Variants in NAB1 observed in about 807,000 individuals in gnomAD.
NAB1 encodes the protein NGFI-A-binding protein 1.
A neutral mutation model predicts 49.9 loss-of-function variants in NAB1; 25 were observed. The ratio of observed to expected loss-of-function variants is 0.50; its 90% CI spans 0.37 to 0.70. The LOEUF (loss-of-function observed/expected upper bound fraction) is 0.70. NAB1 is among the 30% of genes least tolerant of loss of function. The pLI, the probability that NAB1 is intolerant of heterozygous loss-of-function variation, is 0.00. For synonymous variants in NAB1, 198 were observed against 215.6 expected (o/e 0.92, Z 0.71); for missense variants, 489 against 575.9 (o/e 0.85, Z 1.54).
At chr2:190,661,439 A>T (rs981538041) in intron 4 of NAB1, among the ~76,000 whole-genome samples, 1 of 152,184 alleles carries the variant, frequency 6.6e-6, no homozygotes, top group Non-Finnish European at 1.5e-5. Context: ...TTTTAGTTTC[A>T]TGCTTTAACC....
chr2:190,687,000 C>T lies in NAB1; in HGVS notation c.1259-201C>T, dbSNP rs1695638652. On this transcript the variant is annotated intron_variant, in intron 8 of 9. Coordinates refer to ENST00000337386, the MANE Select transcript of NAB1 (RefSeq NM_005966.4). This position sits in a 1 kb window ranked among gnomAD's most constrained non-coding sequence, Gnocchi z 5.5. ...AAAAATATCCTGGCAGAATTGTAAA[C>T]CTTGGGACTGGCATGAAATGACTTG... Among the ~76,000 whole-genome samples, 1 of 152,104 alleles carries T rather than the reference C, an allele frequency of 6.6e-6. No homozygotes were observed.
rs559236763 is a variant in NAB1, at chr2:190,689,585, A to G, written c.1376-660A>G. Among the ~76,000 whole-genome samples the G allele has an allele frequency of 2.0e-5, 3 of 152,122 alleles. No individual in the cohort carries two copies. Among genetic ancestry groups the G allele is most frequent in the Non-Finnish European group, 4.4e-5 (3 of 68,010 alleles). On this transcript the variant is annotated intron_variant, in intron 9 of 9. Coordinates refer to ENST00000337386, the MANE Select transcript of NAB1 (RefSeq NM_005966.4). The surrounding 1 kb of genome is among the most constrained non-coding windows in gnomAD (Gnocchi z 4.3). ...TATTTGTACTTTACATAAAGGTTAC[A>G]TTTGATTGTTATTCTGTAGTGTTTG...
chr2:190,656,808 T>G (rs1156572308), intron 3 of NAB1, among the ~76,000 whole-genome samples: 1 of 152,190 alleles, frequency 6.6e-6, no homozygotes, highest in Non-Finnish European at 1.5e-5. Context: ...TTATTGCTCA[T>G]AAAAAGATTT....
chr2:190,652,681 T>C lies in NAB1; in HGVS notation c.-197+2699T>C, dbSNP rs1382004445. On this transcript the variant is annotated intron_variant, in intron 2 of 9. Transcript: ENST00000337386. This position sits in a 1 kb window ranked among gnomAD's most constrained non-coding sequence, Gnocchi z 4.2. ...GTATATATTTAATTCATAGCTAAGATCCAGAAGTATCTTGACTTATATGGT... is the reference window on the plus strand; with the variant it reads ...GTATATATTTAATTCATAGCTAAGACCCAGAAGTATCTTGACTTATATGGT... Among the ~76,000 whole-genome samples, 3 of 152,312 alleles carry C rather than the reference T, an allele frequency of 2.0e-5. No individual in the cohort carries two copies. Among genetic ancestry groups the C allele is most frequent in the African/African-American group, 7.2e-5 (3 of 41,574 alleles).
Position 190,685,453 on chromosome 2 carries a change from T to A in NAB1, c.1096-23T>A. On this transcript the variant is annotated intron_variant, in intron 7 of 9. Coordinates refer to ENST00000337386, the MANE Select transcript of NAB1 (RefSeq NM_005966.4). The surrounding 1 kb of genome is among the most constrained non-coding windows in gnomAD (Gnocchi z 4.5). Reference sequence around the variant, plus strand: ...AATCTAGAATGTTTCAGTTACTGATTTGATTTTTGCTTTACTTACTAGCAG... The same window carrying A: ...AATCTAGAATGTTTCAGTTACTGATATGATTTTTGCTTTACTTACTAGCAG... 6.3e-7 allele frequency: 1 copy of A among 1,581,956 alleles called. No homozygotes were observed. Among genetic ancestry groups the A allele is most frequent in the Non-Finnish European group, 8.6e-7 (1 of 1,164,798 alleles).
At position 190,667,917 on chromosome 2, in the gene NAB1, C is replaced by T. The variant is rs1315315232; in HGVS notation, c.820-2409C>T. Among the ~76,000 whole-genome samples the T allele has an allele frequency of 6.6e-6, 1 of 151,998 alleles. No individual in the cohort carries two copies. The highest frequency in any genetic ancestry group is 1.5e-5 in the Non-Finnish European group (1 of 67,948). On this transcript the variant is annotated intron_variant, in intron 4 of 9. Coordinates refer to ENST00000337386, the MANE Select transcript of NAB1 (RefSeq NM_005966.4). This position sits in a 1 kb window ranked among gnomAD's most constrained non-coding sequence, Gnocchi z 4.4. ...TAATGACAAACTTAAAAAAAAATCC[C>T]ATTACATATGATGAAGAGTTAATGC... is the stretch of plus-strand genomic sequence containing the variant.
intron 5 of NAB1, among the ~76,000 whole-genome samples, chr2:190,672,505 C>G (rs1474582197): frequency 2.6e-5 from 4 of 152,042 alleles, no homozygotes. Flanking sequence ...ATTGCTGGGT[C>G]AGGGTAAATA....
chr2:190,688,216 G>GT (rs1695716993), intron 9 of NAB1, among the ~76,000 whole-genome samples: 1 of 152,162 alleles, frequency 6.6e-6, no homozygotes, highest in Admixed American at 6.5e-5. Flanking sequence ...AATTTGCATT[G>GT]TAAGTCAGCG....
intron 9 of NAB1, among the ~76,000 whole-genome samples, chr2:190,688,397 T>C (rs967865580): frequency 6.6e-6 from 1 of 152,212 alleles, no homozygotes; most frequent in Non-Finnish European, 1.5e-5. Context: ...CTAAATAATG[T>C]TCTGGTACTG....
intron 6 of NAB1, among the ~76,000 whole-genome samples, chr2:190,683,042 T>TGCGA (rs1354311179): frequency 6.6e-6 from 1 of 152,174 alleles, no homozygotes; most frequent in African/African-American, 2.4e-5. Flanking sequence ...AAATGTCCAA[T>TGCGA]GCGAGGATAG....
chr2:190,685,431 C>G lies in NAB1; in HGVS notation c.1096-45C>G. ...TGGCATCTTTAAACCATTAAAAAAT[C>G]TAGAATGTTTCAGTTACTGATTTGA... On this transcript the variant is annotated intron_variant, in intron 7 of 9. Coordinates refer to ENST00000337386, the MANE Select transcript of NAB1 (RefSeq NM_005966.4). The surrounding 1 kb of genome is among the most constrained non-coding windows in gnomAD (Gnocchi z 4.5). 1 of 1,524,298 alleles carries G rather than the reference C, an allele frequency of 6.6e-7. No homozygotes were observed. The allele number at this position is 1,524,298 out of a possible 1,614,324, so 94.4% of individuals were successfully genotyped here.
chr2:190,685,323 A>G lies in NAB1; in HGVS notation c.1096-153A>G, dbSNP rs758165963. On this transcript the variant is annotated intron_variant, in intron 7 of 9. Coordinates refer to ENST00000337386, the MANE Select transcript of NAB1 (RefSeq NM_005966.4). The surrounding 1 kb of genome is among the most constrained non-coding windows in gnomAD (Gnocchi z 4.5). ...TTTTAACATGATGATATAGACATCT[A>G]TGCATATTTATGGAATTTGTATACC... 6 of 608,822 alleles carry G rather than the reference A, an allele frequency of 9.9e-6. No homozygotes were observed. Among genetic ancestry groups the G allele is most frequent in the East Asian group, 8.8e-5 (3 of 34,104 alleles). 37.7% of individuals were successfully genotyped at this position (608,822 alleles called of 1,614,324 possible). A position where few individuals can be genotyped will look rare whatever the true frequency, so the allele number is the denominator to read the frequency against.
rs1559247891 is a variant in NAB1 at position 190,679,930 on chromosome 2, T to C, written c.1006-3808T>C. On this transcript the variant is annotated intron_variant, in intron 6 of 9. Transcript: ENST00000337386. This position sits in a 1 kb window ranked among gnomAD's most constrained non-coding sequence, Gnocchi z 5.3. ...ACTGCCCCTGCTTACCTGGCTTATCTACACACGGAGGTCTCACTAGCAAAT... is the reference window on the plus strand; with the variant it reads ...ACTGCCCCTGCTTACCTGGCTTATCCACACACGGAGGTCTCACTAGCAAAT... 1.3e-5 allele frequency among the ~76,000 whole-genome samples: 2 copies of C among 152,178 alleles called. No individual in the cohort carries two copies. The highest frequency in any genetic ancestry group is 4.8e-5 in the African/African-American group (2 of 41,452).
rs769161221 is a variant in NAB1 at position 190,669,822 on chromosome 2, C to T, written c.820-504C>T. 1.3e-5 allele frequency among the ~76,000 whole-genome samples: 2 copies of T among 152,084 alleles called. No individual in the cohort carries two copies. ...CCAACACCTTGATTTTCCAATATAGCCCTAGTATATGATAACTCTGTTTTT... is the reference window on the plus strand; with the variant it reads ...CCAACACCTTGATTTTCCAATATAGTCCTAGTATATGATAACTCTGTTTTT... On this transcript the variant is annotated intron_variant, in intron 4 of 9. Transcript: ENST00000337386. This position sits in a 1 kb window ranked among gnomAD's most constrained non-coding sequence, Gnocchi z 4.3.
intron 2 of NAB1, among the ~76,000 whole-genome samples, chr2:190,650,840 TC>T (rs1245586664): frequency 2.6e-5 from 4 of 152,220 alleles, no homozygotes; most frequent in African/African-American, 9.7e-5. Flanking sequence ...ATAAGGGTTT[TC>T]TTGAGTCTTT....
In NAB1 at chr2:190,691,831, A is replaced by G. The variant is rs1171209701; in HGVS notation, c.*1498A>G. On this transcript the variant is annotated 3_prime_UTR_variant, in exon 10 of 10. Transcript: ENST00000337386. This position sits in a 1 kb window ranked among gnomAD's most constrained non-coding sequence, Gnocchi z 4.1. ...AAAATATTAAGTCATAATCTGTTACACTAAAATTTGTCAGCCAAATGTTAG... is the reference window on the plus strand; with the variant it reads ...AAAATATTAAGTCATAATCTGTTACGCTAAAATTTGTCAGCCAAATGTTAG... 1 of 152,286 alleles carries G rather than the reference A, an allele frequency of 6.6e-6. No homozygotes were observed. The highest frequency in any genetic ancestry group is 1.5e-5 in the Non-Finnish European group (1 of 67,972). The allele number at this position is 152,286 out of a possible 1,614,324, so 9.4% of individuals were successfully genotyped here. A position where few individuals can be genotyped will look rare whatever the true frequency, so the allele number is the denominator to read the frequency against.
rs1695008360 is a variant in NAB1, at chr2:190,675,124, G to A, written c.1005+1972G>A. Among the ~76,000 whole-genome samples, 1 of 152,174 alleles carries A rather than the reference G, an allele frequency of 6.6e-6. No homozygotes were observed. Among genetic ancestry groups the A allele is most frequent in the African/African-American group, 2.4e-5 (1 of 41,436 alleles). ...GGAAAGGCAGGTGAACATAGAAACTGCTAAGAAGGCATGTGCCATTGGAGG... is the reference window on the plus strand; with the variant it reads ...GGAAAGGCAGGTGAACATAGAAACTACTAAGAAGGCATGTGCCATTGGAGG... On this transcript the variant is annotated intron_variant, in intron 6 of 9. Transcript: ENST00000337386. The surrounding 1 kb of genome is among the most constrained non-coding windows in gnomAD (Gnocchi z 5.2).
intron 5 of NAB1, among the ~76,000 whole-genome samples, chr2:190,671,567 C>A (rs1396164869): frequency 6.6e-6 from 1 of 151,582 alleles, no homozygotes; most frequent in Non-Finnish European, 1.5e-5. Context: ...ACACTATTTT[C>A]TTTCTGAGTA....
Position 190,685,567 on chromosome 2 carries a change from C to T in NAB1, c.1187C>T (p.Ala396Val). 6.2e-7 allele frequency: 1 copy of T among 1,614,070 alleles called. No homozygotes were observed. The highest frequency in any genetic ancestry group is 1.3e-5 in the African/African-American group (1 of 75,048). Residue 396 changes from alanine to valine, a missense_variant, in exon 8 of 10, where the codon GCA (alanine) becomes GTA (valine). Transcript: ENST00000337386. This position sits in a 1 kb window ranked among gnomAD's most constrained non-coding sequence, Gnocchi z 4.5. ...RLQHAERRLSAGLYRQSSEEH... is the reference protein window; with the variant it reads ...RLQHAERRLSVGLYRQSSEEH... ...CAGCATGCCGAGAGGAGGTTGTCTG[C>T]AGGGCTTTACAGGCAGAGCTCAGAA...
Sources: gnomAD v4.1 joint callset for allele counts (sites outside exome capture counted in the v4.1 genomes callset) on GRCh38, gnomAD v4.1.1 for gene constraint, Gnocchi (gnomAD v3.1) non-coding constraint, MANE v1.5 for transcripts, NCBI Gene and HGNC (gene_info 2026-07-23, HGNC 2026-07-21) for gene names.